Variants in GCKR observed in about 807,000 individuals in gnomAD.
GCKR encodes the protein glucokinase regulator.
Under a neutral mutation model 82.9 loss-of-function variants are expected in GCKR, and 73 were observed. The observed-to-expected ratio is 0.88, with a 90% CI of 0.73 to 1.07. GCKR has a LOEUF of 1.07. Among genes scored for constraint, GCKR ranks in the 50% least tolerant of loss-of-function variants. The probability of loss-of-function intolerance (pLI) is 0.00; values close to 1 mark genes in which losing one functional copy is unlikely to be tolerated. For synonymous variants in GCKR, 294 were observed against 291.8 expected (o/e 1.01, Z -0.08); for missense variants, 784 against 782.1 (o/e 1.00, Z -0.03).
Position 27,496,949 on chromosome 2 carries a change from G to A in GCKR, c.45G>A (p.Glu15=). 1 of 1,613,582 alleles carries A rather than the reference G, an allele frequency of 6.2e-7. No homozygotes were observed. Among genetic ancestry groups the A allele is most frequent in the African/African-American group, 1.3e-5 (1 of 75,020 alleles). The change falls in exon 1 of 19, where the codon GAG becomes GAA. Residue 15 remains glutamate (E), a synonymous_variant. Transcript: ENST00000264717. ...KRFQHVIETP[E]PGKWELSGYE... ...TTCAACATGTCATTGAGACCCCGGA[G>A]CCTGGCAAGTGGGAGGTGAGACCCC...
rs758628778 is a variant in GCKR at position 27,508,054 on chromosome 2, A to G, written c.1318A>G (p.Thr440Ala). 1.9e-6 allele frequency: 3 copies of G among 1,613,444 alleles called. No homozygotes were observed. The Admixed American group carries it at 5.0e-5, about 27-fold the overall frequency. ...CCACATCCAGGCCCTGGCACACAGC[A>G]CCGTGGGTCAGACCTTGCTGGTGAG... ...TNHIQALAHS[T>A]VGQTLLIPLK... The change falls in exon 15 of 19, where the codon ACC (threonine) becomes GCC (alanine). Residue 440 changes from threonine to alanine, a missense_variant. By Grantham distance (58) the Thr-to-Ala change is moderately conservative. Coordinates refer to ENST00000264717, the MANE Select transcript of GCKR (RefSeq NM_001486.4).
rs770841756 is a variant in GCKR at position 27,522,579 on chromosome 2, A to T, written c.1692A>T (p.Ala564=). 1.2e-6 allele frequency: 2 copies of T among 1,613,954 alleles called. No homozygotes were observed. Among genetic ancestry groups the T allele is most frequent in the Non-Finnish European group, 1.7e-6 (2 of 1,179,808 alleles). The change falls in exon 18 of 19, where the codon GCA becomes GCT. Residue 564 remains alanine, a synonymous_variant. Transcript: ENST00000264717. ...AAPISCHVQV[A]HEKEQVIPIA... ...CCATCTCCTGCCATGTCCAGGTTGC[A>T]CATGAGAAGGAACAGGTATCCTGCC... is the stretch of plus-strand genomic sequence containing the variant.
chr2:27,514,408 T>C (rs1669957183), intron 16 of GCKR, among the ~76,000 whole-genome samples: 1 of 152,174 alleles, frequency 6.6e-6, no homozygotes, highest in African/African-American at 2.4e-5. Context: ...TTCATGCCTG[T>C]AGGGAATTAG....
At chr2:27,502,107 C>CT (rs1051328481) in intron 8 of GCKR, among the ~76,000 whole-genome samples, 1 of 152,150 alleles carries the variant, frequency 6.6e-6, no homozygotes, top group African/African-American at 2.4e-5. Context: ...TTTAGAGCAG[C>CT]TTTTTGTATT....
Position 27,523,613 on chromosome 2 carries a change from C to T in GCKR, c.*174C>T. The T allele has an allele frequency of 1.4e-5, 9 of 652,740 alleles. No homozygotes were observed. Among genetic ancestry groups the T allele is most frequent in the East Asian group, 2.7e-5 (1 of 36,624 alleles). The allele number at this position is 652,740 out of a possible 1,614,324, so 40.4% of individuals were successfully genotyped here. A position where few individuals can be genotyped will look rare whatever the true frequency, so the allele number is the denominator to read the frequency against. On this transcript the variant is annotated 3_prime_UTR_variant, in exon 19 of 19. Coordinates refer to ENST00000264717, the MANE Select transcript of GCKR (RefSeq NM_001486.4). ...CACTTTGGGGGAGAGTTCTTGCTCT[C>T]GACCTAGTGGTTTCTACTCTCACCG... is the stretch of plus-strand genomic sequence containing the variant.
chr2:27,518,918 G>C lies in GCKR; in HGVS notation c.1553G>C (p.Arg518Pro). 3 of 1,613,560 alleles carry C rather than the reference G, an allele frequency of 1.9e-6. No individual in the cohort carries two copies. ...ATTAGCAACTCCAAGCTCTTCTGGC[G>C]GGCGCTGGCCATGCTGCAGGTAGGG... ...LRISNSKLFWRALAMLQRFSG... is the reference protein window; with the variant it reads ...LRISNSKLFWPALAMLQRFSG... The change falls in exon 17 of 19, where the codon CGG (arginine) becomes CCG (proline). Residue 518 changes from arginine to proline, a missense_variant. Arg to Pro is a moderately radical substitution (Grantham distance 103, BLOSUM62 -2). Transcript: ENST00000264717.
rs150673460 is a variant in GCKR at position 27,498,764 on chromosome 2, C to G, written c.395C>G (p.Pro132Arg). The change falls in exon 5 of 19, where the codon CCT (proline) becomes CGT (arginine). Residue 132 changes from proline to arginine, a missense_variant. Transcript: ENST00000264717. The stretch of plus-strand genomic sequence containing the variant: ...CTGATGAAAGGTCTGGGACAGAAAC[C>G]TCTTTACACCTACCTCATTGCAGGT... ...NQLMKGLGQK[P>R]LYTYLIAGGD... 1.9e-6 allele frequency: 3 copies of G among 1,608,110 alleles called. No homozygotes were observed. Among genetic ancestry groups the G allele is most frequent in the African/African-American group, 2.7e-5 (2 of 74,784 alleles).
chr2:27,499,484 TAGAG>T (rs776352577), intron 7 of GCKR, 34 bp downstream of exon 7: 6 of 1,388,358 alleles, frequency 4.3e-6, no homozygotes, highest in Non-Finnish European at 6.2e-6. Context: ...GGATCAATTT[TAGAG>T]AGAGGAAGTG....
At position 27,508,061 on chromosome 2, in the gene GCKR, G is replaced by T; in HGVS notation, c.1325G>T (p.Gly442Val). The T allele has an allele frequency of 6.2e-7, 1 of 1,613,482 alleles. No individual in the cohort carries two copies. Among genetic ancestry groups the T allele is most frequent in the Non-Finnish European group, 8.5e-7 (1 of 1,179,410 alleles). The change falls in exon 15 of 19, where the codon GGT becomes GTT. Residue 442 changes from glycine to valine, a missense_variant. Physicochemically the swap from Gly to Val is moderately radical, Grantham distance 109 (BLOSUM62 -3). Coordinates refer to ENST00000264717, the MANE Select transcript of GCKR (RefSeq NM_001486.4). ...CAGGCCCTGGCACACAGCACCGTGG[G>T]TCAGACCTTGCTGGTGAGAGTCCAG... ...HIQALAHSTV[G>V]QTLLIPLKKL...
At chr2:27,514,093 CCCAAA>C (rs1381426608) in intron 16 of GCKR, among the ~76,000 whole-genome samples, 1 of 151,852 alleles carries the variant, frequency 6.6e-6, no homozygotes, top group African/African-American at 2.4e-5. Context: ...TATTTAGAAA[CCCAAA>C]TGCTAGGTAT....
intron 16 of GCKR, among the ~76,000 whole-genome samples, chr2:27,513,923 G>A (rs1218769928): frequency 5.3e-5 from 8 of 151,268 alleles, no homozygotes; most frequent in Non-Finnish European, 8.9e-5. Context: ...GTGTGTGTGT[G>A]TGTGTGTGTG....
chr2:27,497,033 C>G, intron 1 of GCKR, 69 bp downstream of exon 1: 1 of 1,373,376 alleles, frequency 7.3e-7, no homozygotes, highest in Non-Finnish European at 1.0e-6. Context: ...AGTCTTCCCT[C>G]CCCGCTGGTT....
chr2:27,507,476 G>A, intron 13 of GCKR, 165 bp downstream of exon 13: 1 of 703,266 alleles, frequency 1.4e-6, no homozygotes, highest in East Asian at 2.5e-5. Flanking sequence ...TGGGCAGTGT[G>A]GAAAGCTCTA....
chr2:27,502,077 G>A (rs934213714), intron 8 of GCKR, among the ~76,000 whole-genome samples: 8 of 152,270 alleles, frequency 5.3e-5, no homozygotes, highest in Admixed American at 4.6e-4. Flanking sequence ...AGAGGGATGC[G>A]GCAAAGGCTT....
chr2:27,521,334 ATTTT>A (rs535172762), intron 17 of GCKR, among the ~76,000 whole-genome samples: 1 of 141,976 alleles, frequency 7.0e-6, no homozygotes, highest in African/African-American at 2.6e-5. Flanking sequence ...GTGAAATCAC[ATTTT>A]TTTTTTTTTT....
chr2:27,511,176 C>T (rs192065670), intron 16 of GCKR, among the ~76,000 whole-genome samples: 67 of 152,032 alleles, frequency 4.4e-4, no homozygotes, highest in Admixed American at 1.8e-3. Context: ...TACAGGCACA[C>T]GCCTCTATGC....
intron 17 of GCKR, among the ~76,000 whole-genome samples, chr2:27,519,522 G>A (rs1434201113): frequency 6.6e-6 from 1 of 152,038 alleles, no homozygotes; most frequent in East Asian, 1.9e-4. Context: ...GGCTGGTCTC[G>A]AACTCCTGAC....
chr2:27,498,796 A>G lies in GCKR; in HGVS notation c.427A>G (p.Arg143Gly). 6.4e-7 allele frequency: 1 copy of G among 1,569,762 alleles called. No individual in the cohort carries two copies. The highest frequency in any genetic ancestry group is 8.8e-7 in the Non-Finnish European group (1 of 1,139,470). The change falls in exon 5 of 19, where the codon AGG becomes GGG. Residue 143 changes from arginine to glycine, a missense_variant and splice_region_variant. Arg to Gly is a moderately radical substitution (Grantham distance 125). Transcript: ENST00000264717. ...LYTYLIAGGD[R>G]SVVASREGTE... The stretch of plus-strand genomic sequence containing the variant: ...CACCTACCTCATTGCAGGTGGTGAC[A>G]GGTAAGCCAAGTTAGCCTATGAATA...
intron 16 of GCKR, among the ~76,000 whole-genome samples, chr2:27,510,622 G>A (rs912534445): frequency 1.3e-5 from 2 of 152,076 alleles, no homozygotes; most frequent in Admixed American, 6.5e-5. Context: ...TATACATACT[G>A]GATAGCATCC....
Sources: allele counts gnomAD v4.1 joint callset (sites outside exome capture counted in the v4.1 genomes callset), GRCh38; gene constraint gnomAD v4.1.1; transcripts MANE v1.5; gene names NCBI Gene and HGNC (gene_info 2026-07-23, HGNC 2026-07-21).